Variants in UBXN11 observed in about 807,000 individuals in gnomAD.
The protein encoded by UBXN11 is UBX domain protein 11.
UBXN11 carries 47 observed loss-of-function variants against 62.8 expected under a neutral mutation model. The ratio of observed to expected loss-of-function variants is 0.75; its 90% confidence interval spans 0.59 to 0.95. The LOEUF is 0.95. Ranked by LOEUF, UBXN11 falls within the 40% of genes least tolerant of loss-of-function variation. UBXN11 has a pLI of 0.00. For missense variants in UBXN11, 638 were observed against 661.7 expected (o/e 0.96, Z 0.39); for synonymous variants, 294 against 267.0 (o/e 1.10, Z -0.99).
intron 10 of UBXN11, chr1:26,285,184 T>C (rs1406610051): frequency 2.9e-5 from 36 of 1,224,294 alleles, no homozygotes; most frequent in Non-Finnish European, 3.5e-5. Context: ...GACCCCAGGT[T>C]GTCAAGGTGT....
intron 1 of UBXN11, among the ~76,000 whole-genome samples, chr1:26,312,744 G>A (rs897747693): frequency 1.1e-4 from 17 of 150,684 alleles, no homozygotes; most frequent in Admixed American, 6.6e-4. Context: ...TTGGGAGGCC[G>A]AGGTGGGCAG....
Position 26,285,889 on chromosome 1 carries a change from C to A in UBXN11, c.708G>T (p.Lys236Asn). The change falls in exon 9 of 15, where the codon AAG (lysine) becomes AAT (asparagine). Residue 236 changes from lysine to asparagine, a missense_variant. Physicochemically the swap from Lys to Asn is moderately conservative, Grantham distance 94. Transcript: ENST00000374222. Reference protein sequence around the residue: ...RLRTLEPIPLKLYRNGIMMFD... With the variant: ...RLRTLEPIPLNLYRNGIMMFD... ...ACATCATGATGCCATTCCGGTAGAG[C>A]TTCAGCGGGATGGGCTCGAGGGTAC... is the stretch of plus-strand genomic sequence containing the variant. 6.2e-7 allele frequency: 1 copy of A among 1,613,416 alleles called. No homozygotes were observed. Among genetic ancestry groups the A allele is most frequent in the Non-Finnish European group, 8.5e-7 (1 of 1,179,446 alleles).
intron 8 of UBXN11, among the ~76,000 whole-genome samples, chr1:26,288,435 G>A (rs1293281019): frequency 6.6e-6 from 1 of 152,102 alleles, no homozygotes; most frequent in Non-Finnish European, 1.5e-5. Flanking sequence ...TGAGACCAGG[G>A]GCCAGGAAGA....
At chr1:26,300,723 G>A (rs777736913) in intron 4 of UBXN11, among the ~76,000 whole-genome samples, 1 of 152,172 alleles carries the variant, frequency 6.6e-6, no homozygotes, top group Non-Finnish European at 1.5e-5. Flanking sequence ...TGGGGCTGGG[G>A]CTGGGCCTCG....
intron 8 of UBXN11, among the ~76,000 whole-genome samples, chr1:26,293,724 CAAAAAAAAAAAA>C (rs1163207554): frequency 0.023 from 620 of 26,942 alleles, 7 homozygotes; most frequent in African/African-American, 0.085. Context: ...GACTCCGTCT[CAAAAAAAAAAAA>C]AAAAAAAAAA....
intron 5 of UBXN11, 107 bp downstream of exon 5, chr1:26,297,855 G>C: frequency 8.0e-7 from 1 of 1,246,056 alleles, no homozygotes; most frequent in Non-Finnish European, 1.1e-6. Context: ...AGGTCAGTGT[G>C]GTAGACGGTT....
chr1:26,307,334 T>C (rs2073690026), upstream of UBXN11, among the ~76,000 whole-genome samples: 1 of 152,240 alleles, frequency 6.6e-6, no homozygotes, highest in Admixed American at 6.5e-5. Flanking sequence ...TTTATACACC[T>C]TAGTTTTTAT....
Position 26,282,316 on chromosome 1 carries a change from TG to T in UBXN11, c.1545del (p.Ser516ValfsTer?). On this transcript the variant is annotated frameshift_variant, in exon 15 of 15. Coordinates refer to ENST00000374222, the MANE Select transcript of UBXN11 (RefSeq NM_001389556.1). LOFTEE classifies it high-confidence loss of function. Reference sequence around the variant, plus strand: ...CGGGTGCTTTATTGGGGGCTGGGACTGGGTCCAGGACAGGGACTGGGGCCGG... The same window carrying T: ...CGGGTGCTTTATTGGGGGCTGGGACTGGTCCAGGACAGGGACTGGGGCCGG... ...PGPGPSPCPG[P>X]SPSPQ is the part of the protein sequence containing the mutation. The T allele has an allele frequency of 6.9e-7, 1 of 1,454,494 alleles. No homozygotes were observed. The allele number at this position is 1,454,494 out of a possible 1,614,324, so 90.1% of individuals were successfully genotyped here.
At chr1:26,284,284 A>C (rs780671977) in intron 11 of UBXN11, 39 bp from the exon 12 acceptor site, 18 of 1,609,576 alleles carry the variant, frequency 1.1e-5, no homozygotes, top group Non-Finnish European at 1.5e-5. Flanking sequence ...AGGAAGGACT[A>C]TGAGTGGTGG....
intron 1 of UBXN11, among the ~76,000 whole-genome samples, chr1:26,316,503 G>T (rs1340294015): frequency 1.3e-5 from 2 of 151,814 alleles, no homozygotes; most frequent in African/African-American, 4.8e-5. Flanking sequence ...GGAGGGAGTG[G>T]CAGGGAATCA....
chr1:26,287,875 T>C (rs2073167573), intron 8 of UBXN11, among the ~76,000 whole-genome samples: 1 of 149,924 alleles, frequency 6.7e-6, no homozygotes, highest in South Asian at 2.1e-4. Flanking sequence ...AATAGCAGAA[T>C]AGATCATCTC....
Position 26,297,515 on chromosome 1 carries a change from T to C in UBXN11, c.301-34A>G, listed in dbSNP as rs529113539. 2.0e-5 allele frequency: 30 copies of C among 1,522,768 alleles called. No homozygotes were observed. In the East Asian group the frequency reaches 4.7e-4, roughly 24 times the overall value. The allele number at this position is 1,522,768 out of a possible 1,614,324, so 94.3% of individuals were successfully genotyped here. A position where few individuals can be genotyped will look rare whatever the true frequency, so the allele number is the denominator to read the frequency against. On this transcript the variant is annotated intron_variant, in intron 5 of 14. Transcript: ENST00000374222. ...TAAGACACAGGGTGAGCACAGGGCCTGTGGTTCCCAGAGCCCTGCCCAGAC... is the reference window on the plus strand; with the variant it reads ...TAAGACACAGGGTGAGCACAGGGCCCGTGGTTCCCAGAGCCCTGCCCAGAC...
chr1:26,285,366 C>T (rs762505807), intron 10 of UBXN11, 98 bp downstream of exon 10: 68 of 1,548,962 alleles, frequency 4.4e-5, no homozygotes, highest in Non-Finnish European at 5.8e-5. Flanking sequence ...CCAGGGAGTG[C>T]AGCGGCTTCC....
chr1:26,317,996 C>G, intron 1 of UBXN11: 1 of 1,613,286 alleles, frequency 6.2e-7, no homozygotes, highest in Non-Finnish European at 8.5e-7. Flanking sequence ...GCTACCAAGA[C>G]AGCCACGAAG....
intron 1 of UBXN11, among the ~76,000 whole-genome samples, chr1:26,314,715 T>A (rs1472880538): frequency 6.6e-6 from 1 of 152,116 alleles, no homozygotes; most frequent in Admixed American, 6.6e-5. Context: ...CAAAATCTAG[T>A]CCCAACCCAC....
chr1:26,295,828 A>C (rs2124655376), intron 7 of UBXN11, among the ~76,000 whole-genome samples: 1 of 152,318 alleles, frequency 6.6e-6, no homozygotes, highest in East Asian at 1.9e-4. Flanking sequence ...TGTCTTGGTC[A>C]TGCTCTGCCC....
chr1:26,313,144 G>T lies in UBXN11; in HGVS notation c.-149+4903C>A, dbSNP rs186421410. On this transcript the variant is annotated intron_variant, in intron 1 of 14. Coordinates refer to the UBXN11 transcript ENST00000374217. ...CAGTGAGGATGAAAAATTCAAGGCG[G>T]ATCACACTGTGACGTGTGCTATAAC... Among the ~76,000 whole-genome samples the T allele has an allele frequency of 2.2e-4, 34 of 152,148 alleles. No homozygotes were observed. In the East Asian group the frequency reaches 5.6e-3, roughly 25 times the overall value.
Position 26,282,429 on chromosome 1 carries a change from C to T in UBXN11, c.1433G>A (p.Ser478Asn), listed in dbSNP as rs1386450333. The change falls in exon 15 of 15, where the codon AGC becomes AAC. Residue 478 changes from serine to asparagine, a missense_variant. Transcript: ENST00000374222. ...LLRARRAPKS[S>N]LKFSPGPCPG... ...ACAGGGACCAGGACTGAATTTCAGG[C>T]TGGACTTCGGGGCTCGGCGTGCCCG... 6 of 1,612,210 alleles carry T rather than the reference C, an allele frequency of 3.7e-6. No homozygotes were observed. Among genetic ancestry groups the T allele is most frequent in the Non-Finnish European group, 5.1e-6 (6 of 1,179,376 alleles).
intron 8 of UBXN11, among the ~76,000 whole-genome samples, chr1:26,293,509 C>T (rs374350372): frequency 1.3e-5 from 2 of 151,766 alleles, no homozygotes; most frequent in Admixed American, 6.6e-5. Context: ...GGGCAGATCA[C>T]GAGGTCAGGA....
Sources: allele counts gnomAD v4.1 joint callset (sites outside exome capture counted in the v4.1 genomes callset), GRCh38; gene constraint gnomAD v4.1.1; transcripts MANE v1.5; gene names NCBI Gene and HGNC (gene_info 2026-07-23, HGNC 2026-07-21).